Variants in PCSK5 observed in about 807,000 individuals in gnomAD.
PCSK5 encodes proprotein convertase subtilisin/kexin type 5.
In PCSK5, 129 loss-of-function variants were observed where a neutral mutation model predicts 233.2. That is an observed-to-expected ratio of 0.55 (90% CI 0.48 to 0.64). The LOEUF is 0.64. PCSK5 is among the 30% of genes least tolerant of loss of function. The pLI, the probability that PCSK5 is intolerant of heterozygous loss-of-function variation, is 0.00. For synonymous variants in PCSK5, 825 were observed against 879.2 expected (o/e 0.94, Z 1.09); for missense variants, 2,076 against 2,430.1 (o/e 0.85, Z 3.06).
intron 8 of PCSK5, among the ~76,000 whole-genome samples, chr9:76,099,139 GATTAT>G (rs1831655289): frequency 6.6e-6 from 1 of 152,212 alleles, no homozygotes; most frequent in African/African-American, 2.4e-5. Flanking sequence ...GTTTTTGTGA[GATTAT>G]ATTAGTAAAT....
chr9:76,268,757 A>T lies in PCSK5; in HGVS notation c.3143-23476A>T, dbSNP rs1827419308. ...TTACTTGGGAGGCTGAGGAGGGAGG[A>T]TCACTTGAGCCCAGGAGGTCAAGGC... On this transcript the variant is annotated intron_variant, in intron 24 of 37. Coordinates refer to ENST00000674117, the MANE Select transcript of PCSK5 (RefSeq NM_001372043.1). Among the ~76,000 whole-genome samples, 5 of 152,244 alleles carry T rather than the reference A, an allele frequency of 3.3e-5. No homozygotes were observed. In the South Asian group the frequency reaches 1.0e-3, roughly 32 times the overall value.
chr9:75,961,527 T>C (rs1825354638), intron 2 of PCSK5, among the ~76,000 whole-genome samples: 1 of 152,222 alleles, frequency 6.6e-6, no homozygotes. Context: ...TTAATTAAAT[T>C]GTATTAACTT....
intron 24 of PCSK5, among the ~76,000 whole-genome samples, chr9:76,263,629 G>C (rs1827248590): frequency 6.6e-6 from 1 of 151,928 alleles, no homozygotes; most frequent in Non-Finnish European, 1.5e-5. Flanking sequence ...GGACTGTTGT[G>C]GGGTGGGGGG....
At chr9:76,209,066 A>G (rs1825226420) in intron 20 of PCSK5, among the ~76,000 whole-genome samples, 1 of 152,238 alleles carries the variant, frequency 6.6e-6, no homozygotes, top group Admixed American at 6.5e-5. Flanking sequence ...CACATGTCTA[A>G]GAAAGCAGTC....
intron 24 of PCSK5, among the ~76,000 whole-genome samples, chr9:76,247,574 G>A (rs1826656232): frequency 6.6e-6 from 1 of 152,158 alleles, no homozygotes; most frequent in South Asian, 2.1e-4. Flanking sequence ...GCTAGGCTTA[G>A]GGATTCTTAG....
At chr9:75,957,783 C>T (rs1245725854) in intron 2 of PCSK5, among the ~76,000 whole-genome samples, 1 of 152,174 alleles carries the variant, frequency 6.6e-6, no homozygotes, top group Non-Finnish European at 1.5e-5. Flanking sequence ...TTAATATGAA[C>T]ATTTCCTGTT....
At chr9:76,001,390 G>A (rs1827254287) in intron 3 of PCSK5, among the ~76,000 whole-genome samples, 1 of 148,526 alleles carries the variant, frequency 6.7e-6, no homozygotes, top group Non-Finnish European at 1.5e-5. Context: ...ATCTTCTCAA[G>A]ATGAGCTATC....
At chr9:75,999,066 A>AT (rs901442198) in intron 3 of PCSK5, among the ~76,000 whole-genome samples, 2 of 151,908 alleles carry the variant, frequency 1.3e-5, no homozygotes, top group East Asian at 1.9e-4. Flanking sequence ...TTATTTATTT[A>AT]TTTTTTTATT....
At chr9:76,268,674 T>C (rs1336058345) in intron 24 of PCSK5, among the ~76,000 whole-genome samples, 1 of 151,974 alleles carries the variant, frequency 6.6e-6, no homozygotes, top group African/African-American at 2.4e-5. Context: ...TGACACCTCA[T>C]CTCTACAAAA....
At chr9:76,161,395 A>G (rs1418173698) in intron 12 of PCSK5, among the ~76,000 whole-genome samples, 1 of 151,594 alleles carries the variant, frequency 6.6e-6, no homozygotes, top group Admixed American at 6.6e-5. Context: ...GATTAATGAA[A>G]GTCTCTCCAG....
chr9:76,121,819 T>TATGACTGCCTTAATATTTAGAA (rs1564040999), intron 9 of PCSK5, among the ~76,000 whole-genome samples: 15 of 36,880 alleles, frequency 4.1e-4, no homozygotes, highest in African/African-American at 1.2e-3. Context: ...TATTGGTTTT[T>TATGACTGCCTTAATATTTAGAA]TTTTTTTTTT....
At chr9:75,934,421 A>T (rs1487923684) in intron 2 of PCSK5, among the ~76,000 whole-genome samples, 2 of 152,044 alleles carry the variant, frequency 1.3e-5, no homozygotes, top group Non-Finnish European at 2.9e-5. Context: ...CCCCTAGCAT[A>T]TGCCAGGCCC....
intron 3 of PCSK5, among the ~76,000 whole-genome samples, chr9:76,010,253 T>A (rs1827674402): frequency 1.3e-5 from 2 of 152,224 alleles, no homozygotes; most frequent in African/African-American, 4.8e-5. Flanking sequence ...CCACCAACTT[T>A]CAGATTAACT....
intron 36 of PCSK5, among the ~76,000 whole-genome samples, chr9:76,351,406 G>T (rs2131520936): frequency 7.5e-6 from 1 of 133,772 alleles, no homozygotes; most frequent in East Asian, 2.1e-4. Context: ...AGAATTTCTG[G>T]TTTCTACCAG....
chr9:76,140,235 A>G (rs527688885), intron 10 of PCSK5, among the ~76,000 whole-genome samples: 43 of 152,264 alleles, frequency 2.8e-4, no homozygotes, highest in Admixed American at 4.6e-4. Context: ...AGATGTAATT[A>G]GTTAATGAAG....
At chr9:75,921,545 C>G (rs151125887) in intron 1 of PCSK5, among the ~76,000 whole-genome samples, 133 of 151,932 alleles carry the variant, frequency 8.8e-4, no homozygotes, top group African/African-American at 3.1e-3. Context: ...CTCTCAGCCT[C>G]TCTTGGGCTC....
intron 2 of PCSK5, among the ~76,000 whole-genome samples, chr9:75,975,158 A>C (rs1051857735): frequency 1.3e-5 from 2 of 152,054 alleles, no homozygotes; most frequent in Non-Finnish European, 2.9e-5. Context: ...CCAGCTCTGA[A>C]CTTACAGGCT....
chr9:76,198,380 T>C (rs1420471011), intron 20 of PCSK5, among the ~76,000 whole-genome samples: 1 of 152,194 alleles, frequency 6.6e-6, no homozygotes, highest in Non-Finnish European at 1.5e-5. Flanking sequence ...CAGTACATTA[T>C]TTTAAAAATA....
At chr9:76,065,323 C>T (rs1429853473) in intron 5 of PCSK5, among the ~76,000 whole-genome samples, 2 of 152,142 alleles carry the variant, frequency 1.3e-5, no homozygotes, top group Non-Finnish European at 2.9e-5. Flanking sequence ...TTTTTTATAG[C>T]ATTTGTTATT....
Sources: gnomAD v4.1 joint callset for allele counts (sites outside exome capture counted in the v4.1 genomes callset) on GRCh38, gnomAD v4.1.1 for gene constraint, MANE v1.5 for transcripts, NCBI Gene and HGNC (gene_info 2026-07-23, HGNC 2026-07-21) for gene names.